Variants in RBFOX1 observed in about 807,000 individuals in gnomAD.
The protein encoded by RBFOX1 is RNA binding fox-1 homolog 1.
Under a neutral mutation model 57.7 loss-of-function variants are expected in RBFOX1, and 8 were observed. The observed-to-expected ratio is 0.14, with a 90% CI of 0.08 to 0.25. The LOEUF (loss-of-function observed/expected upper bound fraction) is 0.25, where lower values mean the gene tolerates loss of function less well. Ranked by LOEUF, RBFOX1 falls within the 10% of genes least tolerant of loss-of-function variation. The pLI is 1.00. For synonymous variants in RBFOX1, 326 were observed against 222.4 expected, an observed-to-expected ratio of 1.47 and a Z score of -4.15; for missense variants, 611 against 548.5, an observed-to-expected ratio of 1.11 and a Z score of -1.14.
chr16:5,601,297 C>G (rs976585372), downstream of RBFOX1: 14 of 152,308 alleles, frequency 9.2e-5, no homozygotes, highest in African/African-American at 3.4e-4. Context: ...GGTGTTTCAC[C>G]TAACAGCTAT....
chr16:6,950,798 A>T (rs994328828), intron 3 of RBFOX1, among the ~76,000 whole-genome samples: 1 of 152,200 alleles, frequency 6.6e-6, no homozygotes, highest in African/African-American at 2.4e-5. Flanking sequence ...ATGCTCTATC[A>T]CAACAGATGC....
At position 6,510,170 on chromosome 16, in the gene RBFOX1, T is replaced by C. The variant is rs74779983; in HGVS notation, c.-63-144433T>C. On this transcript the variant is annotated intron_variant, in intron 2 of 15. Transcript: ENST00000550418. ...AAAGAGAAGAGTGGAAACATATGTA[T>C]GCTCTCTTCCTCATTATAAAGATTT... Among the ~76,000 whole-genome samples the C allele has an allele frequency of 4.8e-3, 730 of 152,294 alleles. 20 individuals carry two copies. The East Asian group carries it at 0.093, about 19-fold the overall frequency.
intron 3 of RBFOX1, among the ~76,000 whole-genome samples, chr16:6,748,136 G>C (rs538537197): frequency 7.9e-5 from 12 of 151,732 alleles, no homozygotes; most frequent in African/African-American, 2.9e-4. Flanking sequence ...TTTTCCTAGC[G>C]TTATTTATGG....
At chr16:7,699,311 C>A (rs1180315736) in intron 14 of RBFOX1, among the ~76,000 whole-genome samples, 2 of 152,076 alleles carry the variant, frequency 1.3e-5, no homozygotes, top group Non-Finnish European at 2.9e-5. Flanking sequence ...CCCACTTCAC[C>A]CTCCCTAGTA....
At chr16:7,531,038 T>G (rs1324880056) in intron 5 of RBFOX1, among the ~76,000 whole-genome samples, 1 of 152,168 alleles carries the variant, frequency 6.6e-6, no homozygotes, top group African/African-American at 2.4e-5. Context: ...GTTTTCAGCC[T>G]GTACCACTCA....
chr16:7,475,421 T>A (rs949524701), intron 4 of RBFOX1, among the ~76,000 whole-genome samples: 9 of 151,688 alleles, frequency 5.9e-5, no homozygotes, highest in Admixed American at 1.3e-4. Flanking sequence ...TTCAAGCAAT[T>A]CTCCTGCGTC....
At chr16:7,442,327 C>T (rs1222220645) in intron 4 of RBFOX1, among the ~76,000 whole-genome samples, 1 of 152,156 alleles carries the variant, frequency 6.6e-6, no homozygotes, top group Non-Finnish European at 1.5e-5. Flanking sequence ...CGTCTCCCAG[C>T]ACAGCCTTCC....
intron 4 of RBFOX1, among the ~76,000 whole-genome samples, chr16:7,122,051 T>A (rs2067308905): frequency 6.6e-6 from 1 of 152,040 alleles, no homozygotes; most frequent in South Asian, 2.1e-4. Flanking sequence ...CTGTAAAGTT[T>A]TAGAAGAACA....
intron 13 of RBFOX1, among the ~76,000 whole-genome samples, chr16:7,674,336 A>G (rs2072588459): frequency 6.6e-6 from 1 of 152,178 alleles, no homozygotes; most frequent in African/African-American, 2.4e-5. Context: ...TTAACTGAAA[A>G]GTAAATTTAA....
At chr16:5,810,576 C>T (rs982990923) in intron 3 of RBFOX1, among the ~76,000 whole-genome samples, 1 of 152,208 alleles carries the variant, frequency 6.6e-6, no homozygotes, top group East Asian at 1.9e-4. Flanking sequence ...TCTGTGACAT[C>T]ATCACCTCCG....
chr16:6,477,773 T>G (rs139335787), intron 2 of RBFOX1, among the ~76,000 whole-genome samples: 1 of 152,312 alleles, frequency 6.6e-6, no homozygotes, highest in African/African-American at 2.4e-5. Flanking sequence ...GAAGACTGTT[T>G]TGTCTACACT....
intron 2 of RBFOX1, among the ~76,000 whole-genome samples, chr16:6,611,107 G>T (rs1175017581): frequency 3.3e-5 from 5 of 152,120 alleles, no homozygotes; most frequent in Admixed American, 2.0e-4. Flanking sequence ...ACCCATAAAT[G>T]GTTGGAGATG....
chr16:7,192,237 C>G (rs539898451), intron 4 of RBFOX1, among the ~76,000 whole-genome samples: 25 of 152,308 alleles, frequency 1.6e-4, no homozygotes, highest in African/African-American at 5.8e-4. Flanking sequence ...TTGTTTTAGC[C>G]TCTTGGTAGC....
chr16:6,389,273 A>G (rs1283515004), intron 2 of RBFOX1, among the ~76,000 whole-genome samples: 2 of 152,216 alleles, frequency 1.3e-5, no homozygotes, highest in Non-Finnish European at 1.5e-5. Flanking sequence ...ATGAAACGAC[A>G]TGCACAGATG....
At chr16:6,846,384 C>T (rs185604345) in intron 3 of RBFOX1, among the ~76,000 whole-genome samples, 2 of 152,160 alleles carry the variant, frequency 1.3e-5, no homozygotes, top group African/African-American at 2.4e-5. Flanking sequence ...AGCTGTATTG[C>T]TGAAAAGCAG....
intron 2 of RBFOX1, among the ~76,000 whole-genome samples, chr16:5,520,434 C>G (rs1045026803): frequency 1.3e-5 from 2 of 152,188 alleles, no homozygotes; most frequent in African/African-American, 2.4e-5. Flanking sequence ...TTCTCAGCCA[C>G]CATTCAGACT....
rs187333058 is a variant in RBFOX1, at chr16:7,313,347, T to G, written c.28-204800T>G. On this transcript the variant is annotated intron_variant, in intron 4 of 15. Coordinates refer to ENST00000550418, the MANE Select transcript of RBFOX1 (RefSeq NM_018723.4). Reference sequence around the variant, plus strand: ...GAAGGGGTTGAGTGGAGAAATTCTCTTTTCTTCATGGTGCAGTGGCAGAAC... The same window carrying G: ...GAAGGGGTTGAGTGGAGAAATTCTCGTTTCTTCATGGTGCAGTGGCAGAAC... 7.0e-4 allele frequency among the ~76,000 whole-genome samples: 107 copies of G among 152,312 alleles called. 1 individual carries two copies. Among genetic ancestry groups the G allele is most frequent in the African/African-American group, 2.5e-3 (104 of 41,580 alleles).
At chr16:7,220,934 C>T (rs12447846) in intron 4 of RBFOX1, among the ~76,000 whole-genome samples, 59,332 of 151,768 alleles carry the variant, frequency 0.39, 12,111 homozygotes, top group East Asian at 0.66. Context: ...ATTCTAAATG[C>T]ATTTGCATTT....
At chr16:7,698,781 C>T (rs1329188164) in intron 14 of RBFOX1, among the ~76,000 whole-genome samples, 1 of 152,008 alleles carries the variant, frequency 6.6e-6, no homozygotes, top group Non-Finnish European at 1.5e-5. Context: ...GCCATATAAG[C>T]AAAGGAACTT....
Sources: gnomAD v4.1 joint callset for allele counts (sites outside exome capture counted in the v4.1 genomes callset) on GRCh38, gnomAD v4.1.1 for gene constraint, MANE v1.5 for transcripts, NCBI Gene and HGNC (gene_info 2026-07-23, HGNC 2026-07-21) for gene names.